The following SCAI variants were observed in gnomAD, a reference collection of about 807,000 sequenced individuals.
The protein encoded by SCAI is suppressor of cancer cell invasion, also known as protein SCAI.
A neutral mutation model predicts 92.2 loss-of-function variants in SCAI; 24 were observed. That is an observed-to-expected ratio of 0.26 (90% CI 0.19 to 0.37). The LOEUF (loss-of-function observed/expected upper bound fraction) is 0.37, where lower values mean the gene tolerates loss of function less well. SCAI is among the 10% of genes least tolerant of loss of function. The pLI is 1.00. For synonymous variants in SCAI, 261 were observed against 258.6 expected (o/e 1.01, Z -0.09); for missense variants, 450 against 736.2 (o/e 0.61, Z 4.50).
intron 2 of SCAI, among the ~76,000 whole-genome samples, chr9:125,063,595 G>A (rs1338917295): frequency 6.6e-6 from 1 of 151,938 alleles, no homozygotes; most frequent in Non-Finnish European, 1.5e-5. Context: ...GTCAAAGTAT[G>A]GAAAATACAT....
At chr9:125,001,808 G>GTAT (rs1554779135) in intron 12 of SCAI, among the ~76,000 whole-genome samples, 157 bp downstream of exon 12, 1 of 152,228 alleles carries the variant, frequency 6.6e-6, no homozygotes, top group African/African-American at 2.4e-5. Flanking sequence ...ACAGACTGGG[G>GTAT]TATCTACAAA....
chr9:125,020,815 G>T, intron 6 of SCAI, 46 bp from the exon 7 acceptor site: 4 of 862,534 alleles, frequency 4.6e-6, no homozygotes, highest in Admixed American at 2.8e-5. Flanking sequence ...AAAAAAGAAT[G>T]CTTTTTGATT....
chr9:124,948,913 T>A lies in SCAI; in HGVS notation c.*3894A>T, dbSNP rs1033146685. On this transcript the variant is annotated 3_prime_UTR_variant, in exon 18 of 18. Coordinates refer to ENST00000336505, the MANE Select transcript of SCAI (RefSeq NM_001144877.3). ...AAATACATTAGGGTTTAAATTTTTT[T>A]ATAAAGGGCAGGTGGTATGCATTTT... is the stretch of plus-strand genomic sequence containing the variant. The A allele has an allele frequency of 3.9e-5, 6 of 152,230 alleles. No individual in the cohort carries two copies. Among genetic ancestry groups the A allele is most frequent in the African/African-American group, 1.2e-4 (5 of 41,472 alleles). 9.4% of individuals were successfully genotyped at this position (152,230 alleles called of 1,614,324 possible). A position where few individuals can be genotyped will look rare whatever the true frequency, so the allele number is the denominator to read the frequency against.
chr9:124,995,286 G>A (rs1445997773), intron 13 of SCAI, among the ~76,000 whole-genome samples: 6 of 151,966 alleles, frequency 3.9e-5, no homozygotes, highest in Admixed American at 2.0e-4. Context: ...TAAACACACA[G>A]CATGAAAACC....
At chr9:125,130,426 G>A (rs59089147) in intron 2 of SCAI, among the ~76,000 whole-genome samples, 3,320 of 152,138 alleles carry the variant, frequency 0.022, 122 homozygotes, top group African/African-American at 0.075. Context: ...AACTAGGTTC[G>A]TCAAAATTCA....
At chr9:124,968,979 C>T (rs1652133304) in intron 17 of SCAI, 1 of 376,732 alleles carries the variant, frequency 2.7e-6, no homozygotes, top group East Asian at 5.8e-5. Flanking sequence ...TTAAGTGGAA[C>T]TGCACAGTTG....
chr9:125,003,054 C>G, intron 11 of SCAI, 60 bp downstream of exon 11: 1 of 1,089,290 alleles, frequency 9.2e-7, no homozygotes, highest in Non-Finnish European at 1.4e-6. Flanking sequence ...AAGAGTGACT[C>G]TTAGATTTTA....
chr9:125,028,462 G>T lies in SCAI; in HGVS notation c.343C>A (p.Arg115=). The part of the protein sequence containing the change: ...QQQHRQVLDN[R]YGLKRWQIGE... The stretch of plus-strand genomic sequence containing the variant: ...ATTTGCCAGCGCTTCAAGCCATACC[G>T]ATTATCCAAGACTTGTCTGTTTTAT... Residue 115 remains arginine, a synonymous_variant, in exon 5 of 18, where the codon CGG becomes AGG. Transcript: ENST00000336505. 6.3e-7 allele frequency: 1 copy of T among 1,590,012 alleles called. No homozygotes were observed. Among genetic ancestry groups the T allele is most frequent in the South Asian group, 1.1e-5 (1 of 86,990 alleles).
chr9:124,991,522 G>T (rs949357143), intron 14 of SCAI, among the ~76,000 whole-genome samples: 3 of 151,514 alleles, frequency 2.0e-5, no homozygotes, highest in African/African-American at 7.3e-5. Context: ...TAATACATCA[G>T]TTACCCAGTT....
chr9:125,122,717 C>G (rs1048118114), intron 2 of SCAI, among the ~76,000 whole-genome samples: 6 of 151,016 alleles, frequency 4.0e-5, no homozygotes, highest in African/African-American at 1.5e-4. Context: ...CCAGCCTGGA[C>G]AACATGGCAA....
chr9:125,084,037 A>T (rs1448300860), intron 2 of SCAI, among the ~76,000 whole-genome samples: 1 of 152,062 alleles, frequency 6.6e-6, no homozygotes, highest in African/African-American at 2.4e-5. Flanking sequence ...ATGCTGAGGC[A>T]GGTATGTACT....
At chr9:125,103,809 T>G (rs1467502858) in intron 2 of SCAI, among the ~76,000 whole-genome samples, 5 of 152,332 alleles carry the variant, frequency 3.3e-5, no homozygotes, top group African/African-American at 1.2e-4. Context: ...AACTATACAC[T>G]CTTGGCCTCT....
intron 2 of SCAI, among the ~76,000 whole-genome samples, chr9:125,056,904 CAT>C (rs1199482916): frequency 2.0e-5 from 3 of 152,184 alleles, no homozygotes; most frequent in Non-Finnish European, 4.4e-5. Context: ...CACACATATA[CAT>C]ACACACACAC....
chr9:124,982,679 C>CAA (rs35467160), intron 14 of SCAI, among the ~76,000 whole-genome samples: 86 of 73,840 alleles, frequency 1.2e-3, no homozygotes, highest in East Asian at 9.2e-3. Flanking sequence ...GACTCTGTCT[C>CAA]AAAAAAAAAA....
intron 2 of SCAI, among the ~76,000 whole-genome samples, chr9:125,084,772 G>A (rs55705184): frequency 6.6e-6 from 1 of 152,026 alleles, no homozygotes; most frequent in Non-Finnish European, 1.5e-5. Flanking sequence ...TCATGTTAAG[G>A]TAGATTCTAT....
intron 9 of SCAI, among the ~76,000 whole-genome samples, chr9:125,013,912 G>A (rs1302622234): frequency 6.6e-6 from 1 of 152,114 alleles, no homozygotes; most frequent in Non-Finnish European, 1.5e-5. Context: ...CATATAAATA[G>A]AACCAAAGAC....
At chr9:124,966,899 C>T (rs1588121658) in intron 17 of SCAI, among the ~76,000 whole-genome samples, 1 of 147,524 alleles carries the variant, frequency 6.8e-6, no homozygotes, top group East Asian at 2.0e-4. Flanking sequence ...AGGTATATGC[C>T]ACTTCTCCCA....
chr9:124,987,225 T>C (rs933378673), intron 14 of SCAI, among the ~76,000 whole-genome samples: 1 of 152,140 alleles, frequency 6.6e-6, no homozygotes, highest in Non-Finnish European at 1.5e-5. Flanking sequence ...GGTTTCACCA[T>C]GTTGGTCAGG....
chr9:124,968,515 T>C (rs1831585166), intron 17 of SCAI: 3 of 857,924 alleles, frequency 3.5e-6, no homozygotes, highest in South Asian at 1.3e-5. Flanking sequence ...GCTAGATCTC[T>C]ACCCAGTTTA....
Sources: allele counts gnomAD v4.1 joint callset (sites outside exome capture counted in the v4.1 genomes callset), GRCh38; gene constraint gnomAD v4.1.1; transcripts MANE v1.5; gene names NCBI Gene and HGNC (gene_info 2026-07-23, HGNC 2026-07-21).